The following KCNH1 variants were observed in gnomAD, a reference collection of about 807,000 sequenced individuals.
KCNH1 encodes potassium voltage-gated channel subfamily H member 1.
Under a neutral mutation model 69.2 loss-of-function variants are expected in KCNH1, and 27 were observed. The ratio of observed to expected loss-of-function variants is 0.39; its 90% CI spans 0.29 to 0.54. The LOEUF (loss-of-function observed/expected upper bound fraction) is 0.54, where lower values mean the gene tolerates loss of function less well. KCNH1 is among the 20% of genes least tolerant of loss of function. The pLI is 0.68. For missense variants in KCNH1, 798 were observed against 1,261.6 expected (o/e 0.63, Z 5.57); for synonymous variants, 456 against 487.7 (o/e 0.93, Z 0.86).
chr1:210,925,526 C>A (rs993741400), intron 6 of KCNH1, among the ~76,000 whole-genome samples: 1 of 152,136 alleles, frequency 6.6e-6, no homozygotes, highest in South Asian at 2.1e-4. Flanking sequence ...GGTGCTGTTG[C>A]GGGGGACATG....
At chr1:210,721,792 G>A (rs1224711005) in intron 10 of KCNH1, among the ~76,000 whole-genome samples, 1 of 147,660 alleles carries the variant, frequency 6.8e-6, no homozygotes, top group Admixed American at 6.8e-5. Flanking sequence ...AAAACTTAAA[G>A]TATAATAAAA....
At chr1:210,792,069 T>A (rs182493724) in intron 9 of KCNH1, among the ~76,000 whole-genome samples, 1 of 152,108 alleles carries the variant, frequency 6.6e-6, no homozygotes, top group African/African-American at 2.4e-5. Flanking sequence ...GCTCTTCCCA[T>A]CTTCTTTCCT....
At chr1:210,973,775 C>T (rs1002079318) in intron 6 of KCNH1, among the ~76,000 whole-genome samples, 2 of 152,086 alleles carry the variant, frequency 1.3e-5, no homozygotes, top group Non-Finnish European at 2.9e-5. Flanking sequence ...GTGGAAACAT[C>T]AACAAAATGA....
At position 210,788,685 on chromosome 1, in the gene KCNH1, CTTTTTTTTTTTTTTT is replaced by C. The variant is rs139485350; in HGVS notation, c.1915+8808_1915+8822del. Among the ~76,000 whole-genome samples the C allele has an allele frequency of 1.5e-4, 12 of 80,722 alleles. No homozygotes were observed. In the South Asian group the frequency reaches 2.6e-3, roughly 17 times the overall value. 53.0% of individuals were successfully genotyped at this position (80,722 alleles called of 152,430 possible). Reference sequence around the variant, plus strand: ...AGATTATTCATATTATAGCTTCTTTCTTTTTTTTTTTTTTTTTTTTTTTTTTTTTGAGACGGAGTC... The same window carrying C: ...AGATTATTCATATTATAGCTTCTTTCTTTTTTTTTTTTTTGAGACGGAGTC... On this transcript the variant is annotated intron_variant, in intron 9 of 10. Coordinates refer to ENST00000271751, the MANE Select transcript of KCNH1 (RefSeq NM_172362.3).
intron 7 of KCNH1, chr1:210,860,309 C>A: frequency 1.5e-6 from 2 of 1,348,294 alleles, no homozygotes; most frequent in South Asian, 2.3e-5. Flanking sequence ...AGGCTATGCG[C>A]TAAAGAGATG....
chr1:211,077,398 C>G (rs992553311), intron 5 of KCNH1, among the ~76,000 whole-genome samples: 2 of 152,160 alleles, frequency 1.3e-5, no homozygotes. Context: ...ATCAGACTAA[C>G]AGCGGATCTC....
intron 5 of KCNH1, among the ~76,000 whole-genome samples, chr1:211,036,748 C>T (rs934084372): frequency 6.6e-6 from 1 of 152,150 alleles, no homozygotes; most frequent in African/African-American, 2.4e-5. Context: ...CTTTTCTGCC[C>T]TTGTCAGTAT....
intron 5 of KCNH1, among the ~76,000 whole-genome samples, chr1:211,061,659 A>G (rs77378577): frequency 0.033 from 5,038 of 152,270 alleles, 274 homozygotes; most frequent in African/African-American, 0.11. Context: ...AACCAGTAGC[A>G]TTTTATATAC....
At position 210,681,800 on chromosome 1, in the gene KCNH1, C is replaced by G. The variant is rs188711764; in HGVS notation, c.*1481G>C. Reference sequence around the variant, plus strand: ...AAGTTGACTTTTCAGAGCTGAACTTCTAACCTTGCGTGTCAGTATTTGGGG... The same window carrying G: ...AAGTTGACTTTTCAGAGCTGAACTTGTAACCTTGCGTGTCAGTATTTGGGG... On this transcript the variant is annotated 3_prime_UTR_variant, in exon 11 of 11. Transcript: ENST00000271751. The G allele has an allele frequency of 4.6e-5, 7 of 152,410 alleles. No homozygotes were observed. Among genetic ancestry groups the G allele is most frequent in the African/African-American group, 1.7e-4 (7 of 41,574 alleles). 9.4% of individuals were successfully genotyped at this position (152,410 alleles called of 1,614,324 possible).
At chr1:211,114,122 A>T (rs1387013117) in intron 1 of KCNH1, among the ~76,000 whole-genome samples, 1 of 152,114 alleles carries the variant, frequency 6.6e-6, no homozygotes. Context: ...GGAGCCCCAC[A>T]TATCAGCTGA....
chr1:210,756,469 T>C (rs1683402957), intron 10 of KCNH1, among the ~76,000 whole-genome samples: 2 of 152,250 alleles, frequency 1.3e-5, no homozygotes, highest in South Asian at 4.1e-4. Context: ...ATACAGAAGC[T>C]GTCTGCAAAT....
chr1:210,904,251 A>G (rs1687051515), intron 7 of KCNH1, among the ~76,000 whole-genome samples: 1 of 152,204 alleles, frequency 6.6e-6, no homozygotes, highest in African/African-American at 2.4e-5. Context: ...AGAAGAAAGC[A>G]GCAGCTGAGT....
chr1:210,913,037 G>T (rs1034910965), intron 7 of KCNH1, among the ~76,000 whole-genome samples: 3 of 152,240 alleles, frequency 2.0e-5, no homozygotes, highest in Non-Finnish European at 2.9e-5. Context: ...AGAGGGTTAT[G>T]AACAGGATGG....
At chr1:210,732,602 G>T (rs1280970321) in intron 10 of KCNH1, among the ~76,000 whole-genome samples, 2 of 152,146 alleles carry the variant, frequency 1.3e-5, no homozygotes, top group East Asian at 3.9e-4. Flanking sequence ...GTCCATTGGG[G>T]TGCTACAACA....
chr1:210,823,099 G>T (rs961005256), intron 7 of KCNH1, among the ~76,000 whole-genome samples: 2 of 152,140 alleles, frequency 1.3e-5, no homozygotes, highest in African/African-American at 4.8e-5. Flanking sequence ...TCCTGGATCA[G>T]CTCCAGTCCT....
chr1:210,930,718 C>T (rs1016023043), intron 6 of KCNH1, among the ~76,000 whole-genome samples: 1 of 152,128 alleles, frequency 6.6e-6, no homozygotes, highest in African/African-American at 2.4e-5. Flanking sequence ...TTCTGCACAG[C>T]AAAAGAAATA....
At chr1:210,788,022 T>TA (rs2102387911) in intron 9 of KCNH1, among the ~76,000 whole-genome samples, 1 of 152,332 alleles carries the variant, frequency 6.6e-6, no homozygotes, top group South Asian at 2.1e-4. Flanking sequence ...TGCAATTAGA[T>TA]AAAATTAAAT....
At chr1:210,806,821 A>T (rs1482859837) in intron 7 of KCNH1, among the ~76,000 whole-genome samples, 4,778 of 41,422 alleles carry the variant, frequency 0.12, 704 homozygotes, top group Admixed American at 0.19. Flanking sequence ...AAAAAAAAAA[A>T]AAAAAAAAAA....
In KCNH1 at chr1:211,080,593, C is replaced by T. The variant is rs190690415; in HGVS notation, c.558+2187G>A. Among the ~76,000 whole-genome samples, 4 of 152,306 alleles carry T rather than the reference C, an allele frequency of 2.6e-5. No individual in the cohort carries two copies. In the East Asian group the frequency reaches 7.7e-4, roughly 29 times the overall value. ...TACTACAAGGCTACAGTAACCAAAACAGTGTGGTACTGGTACCAAAACAGA... is the reference window on the plus strand; with the variant it reads ...TACTACAAGGCTACAGTAACCAAAATAGTGTGGTACTGGTACCAAAACAGA... On this transcript the variant is annotated intron_variant, in intron 5 of 10. Transcript: ENST00000271751.
Sources: gnomAD v4.1 joint callset for allele counts (sites outside exome capture counted in the v4.1 genomes callset) on GRCh38, gnomAD v4.1.1 for gene constraint, MANE v1.5 for transcripts, NCBI Gene and HGNC (gene_info 2026-07-23, HGNC 2026-07-21) for gene names.